FER: variants seen among roughly 807,000 people sequenced by gnomAD.
FER encodes FER tyrosine kinase.
In FER, 63 loss-of-function variants were observed where a neutral mutation model predicts 111.0. The ratio of observed to expected loss-of-function variants is 0.57; its 90% CI spans 0.46 to 0.70. FER has a LOEUF of 0.70. FER is among the 30% of genes least tolerant of loss of function. FER has a pLI of 0.00. For synonymous variants in FER, 327 were observed against 313.9 expected, an observed-to-expected ratio of 1.04 and a Z score of -0.44; for missense variants, 914 against 954.0, an observed-to-expected ratio of 0.96 and a Z score of 0.55.
chr5:108,876,472 C>T (rs994316932), intron 8 of FER, among the ~76,000 whole-genome samples: 1 of 152,112 alleles, frequency 6.6e-6, no homozygotes, highest in Non-Finnish European at 1.5e-5. Flanking sequence ...ATTTTGAGTG[C>T]CACACATATC....
chr5:108,961,987 A>G (rs1759208038), intron 13 of FER, among the ~76,000 whole-genome samples: 1 of 152,086 alleles, frequency 6.6e-6, no homozygotes, highest in Admixed American at 6.5e-5. Flanking sequence ...TTTCCCATTT[A>G]TTTCTCTTCC....
intron 16 of FER, among the ~76,000 whole-genome samples, chr5:109,056,796 C>G (rs1042711076): frequency 2.6e-5 from 4 of 152,078 alleles, no homozygotes; most frequent in African/African-American, 9.7e-5. Flanking sequence ...ATTCTTTTTA[C>G]CATCAATATG....
intron 12 of FER, among the ~76,000 whole-genome samples, chr5:108,955,654 CTGTT>C (rs1008144387): frequency 7.3e-5 from 11 of 151,722 alleles, no homozygotes; most frequent in Non-Finnish European, 1.6e-4. Flanking sequence ...ATTGATGCCT[CTGTT>C]TGTTTTCCAT....
At chr5:108,904,653 T>A (rs77691252) in intron 10 of FER, among the ~76,000 whole-genome samples, 2,527 of 152,310 alleles carry the variant, frequency 0.017, 80 homozygotes, top group African/African-American at 0.058. Context: ...TTGTTGTAAA[T>A]ACATCTTCAG....
At chr5:108,782,003 G>C (rs1308559946) in intron 2 of FER, among the ~76,000 whole-genome samples, 1 of 151,924 alleles carries the variant, frequency 6.6e-6, no homozygotes, top group Non-Finnish European at 1.5e-5. Context: ...AAGTATGAAG[G>C]CTGTCTTATG....
intron 12 of FER, among the ~76,000 whole-genome samples, chr5:108,956,100 A>G (rs1758393926): frequency 6.6e-6 from 1 of 151,838 alleles, no homozygotes; most frequent in Non-Finnish European, 1.5e-5. Context: ...CTTGATAATC[A>G]TATTTGCCCA....
rs1759664397 is a variant in FER at position 109,195,316 on chromosome 5, G to A, written c.*7741G>A. On this transcript the variant is annotated 3_prime_UTR_variant, in exon 20 of 20. Coordinates refer to ENST00000281092, the MANE Select transcript of FER (RefSeq NM_005246.4). ...TGCCAATGTGAATTGCTTTGCTTCA[G>A]TAACAATCAGAAGACCAGTCCAACA... The A allele has an allele frequency of 6.6e-6, 1 of 152,188 alleles. No homozygotes were observed. Among genetic ancestry groups the A allele is most frequent in the African/African-American group, 2.4e-5 (1 of 41,442 alleles). The allele number at this position is 152,188 out of a possible 1,614,324, so 9.4% of individuals were successfully genotyped here.
chr5:109,032,980 A>G (rs1417494901), intron 13 of FER, among the ~76,000 whole-genome samples: 2 of 152,196 alleles, frequency 1.3e-5, no homozygotes, highest in African/African-American at 2.4e-5. Flanking sequence ...TTAGTTTTGA[A>G]CACAGGTCTG....
intron 17 of FER, among the ~76,000 whole-genome samples, chr5:109,146,266 A>ATCTATC (rs376610489): frequency 1.1e-4 from 10 of 88,202 alleles, no homozygotes; most frequent in African/African-American, 5.3e-4. Context: ...ATATATATAT[A>ATCTATC]TATATATATA....
intron 13 of FER, among the ~76,000 whole-genome samples, chr5:108,986,772 T>G (rs1762619551): frequency 6.6e-6 from 1 of 152,192 alleles, no homozygotes; most frequent in African/African-American, 2.4e-5. Context: ...TTGGGTTTAT[T>G]TCTGGGTTCT....
intron 3 of FER, among the ~76,000 whole-genome samples, chr5:108,810,032 TG>T (rs1224307487): frequency 6.6e-6 from 1 of 152,226 alleles, no homozygotes; most frequent in African/African-American, 2.4e-5. Flanking sequence ...TTCTAATTTT[TG>T]TAATTATTTT....
chr5:108,821,832 A>G (rs1169839736), intron 3 of FER, among the ~76,000 whole-genome samples: 1 of 152,080 alleles, frequency 6.6e-6, no homozygotes. Flanking sequence ...GTCACCTCAC[A>G]TAGTTATTAT....
chr5:108,799,885 C>T (rs1756441754), intron 3 of FER, among the ~76,000 whole-genome samples: 1 of 151,008 alleles, frequency 6.6e-6, no homozygotes, highest in African/African-American at 2.4e-5. Flanking sequence ...CTTTCTCGCC[C>T]AGGCTGGAGT....
At chr5:109,034,565 C>T (rs1416745896) in intron 13 of FER, among the ~76,000 whole-genome samples, 2 of 152,000 alleles carry the variant, frequency 1.3e-5, no homozygotes, top group Non-Finnish European at 2.9e-5. Flanking sequence ...CCCATAAATC[C>T]TTGACATGGC....
At chr5:108,909,440 G>A (rs1193806679) in intron 10 of FER, among the ~76,000 whole-genome samples, 1 of 152,120 alleles carries the variant, frequency 6.6e-6, no homozygotes, top group African/African-American at 2.4e-5. Context: ...AGAGATCTTT[G>A]AGAGTAGAGG....
intron 13 of FER, among the ~76,000 whole-genome samples, chr5:108,969,077 A>G (rs998163710): frequency 1.3e-5 from 2 of 152,196 alleles, no homozygotes; most frequent in Admixed American, 1.3e-4. Context: ...TGTTGAAAGT[A>G]TAAATTCTCA....
chr5:108,850,271 T>C (rs1762427554), intron 5 of FER, among the ~76,000 whole-genome samples: 1 of 152,134 alleles, frequency 6.6e-6, no homozygotes, highest in Admixed American at 6.5e-5. Flanking sequence ...AATGATCCTC[T>C]ACTGTTTTTC....
Position 109,185,139 on chromosome 5 carries a change from G to A in FER, c.2204-1061G>A, listed in dbSNP as rs568869689. 1.5e-4 allele frequency among the ~76,000 whole-genome samples: 23 copies of A among 152,184 alleles called. No individual in the cohort carries two copies. The South Asian group carries it at 3.9e-3, about 26-fold the overall frequency. ...ATCTGCTTCCCCTCCTTTATTCCAC[G>A]TCCATCTCCAGAAGACAACCTTGTG... On this transcript the variant is annotated intron_variant, in intron 18 of 19. Coordinates refer to ENST00000281092, the MANE Select transcript of FER (RefSeq NM_005246.4).
Position 108,835,772 on chromosome 5 carries a change from C to T in FER, c.446C>T (p.Ser149Phe), listed in dbSNP as rs1015026929. ...AGACAATTAATAAAAGAAATGAATT[C>T]TGCCAAAGAGAAATATAAAGAAGCT... ...SYRQLIKEMN[S>F]AKEKYKEALA... The change falls in exon 5 of 20, where the codon TCT becomes TTT. Residue 149 changes from serine (S) to phenylalanine (F), a missense_variant. Ser to Phe is a radical substitution (Grantham distance 155, BLOSUM62 -2). Around this residue, in one of 3 missense-constraint regions of FER, gnomAD observed 774 missense variants for 782.6 expected, o/e 0.99. Coordinates refer to ENST00000281092, the MANE Select transcript of FER (RefSeq NM_005246.4). 2 of 1,563,224 alleles carry T rather than the reference C, an allele frequency of 1.3e-6. No homozygotes were observed. The highest frequency in any genetic ancestry group is 2.8e-5 in the African/African-American group (2 of 71,680).
Sources: allele counts gnomAD v4.1 joint callset (sites outside exome capture counted in the v4.1 genomes callset), GRCh38; gene constraint gnomAD v4.1.1; regional missense constraint gnomAD v4.1.1; transcripts MANE v1.5; gene names NCBI Gene and HGNC (gene_info 2026-07-23, HGNC 2026-07-21).